The following SPON1 variants were observed in gnomAD, a reference collection of about 807,000 sequenced individuals.
SPON1 encodes spondin-1.
Under a neutral mutation model 111.7 loss-of-function variants are expected in SPON1, and 52 were observed. The ratio of observed to expected loss-of-function variants is 0.47; its 90% CI spans 0.37 to 0.59. The LOEUF is 0.59. SPON1 is among the 20% of genes least tolerant of loss of function. The pLI is 0.00. For synonymous variants in SPON1, 410 were observed against 395.8 expected (o/e 1.04, Z -0.43); for missense variants, 957 against 1,068.5 (o/e 0.90, Z 1.46).
At chr11:14,029,506 G>A (rs1288622110) in intron 2 of SPON1, among the ~76,000 whole-genome samples, 2 of 152,102 alleles carry the variant, frequency 1.3e-5, no homozygotes, top group African/African-American at 2.4e-5. Context: ...AATTTATTGG[G>A]TGAAAAGGAA....
chr11:14,261,740 T>C (rs985069399), intron 14 of SPON1, among the ~76,000 whole-genome samples: 1 of 152,138 alleles, frequency 6.6e-6, no homozygotes, highest in Admixed American at 6.5e-5. Context: ...CCCCATAGCC[T>C]TCTGACTTAG....
At chr11:14,091,251 C>T (rs1441663522) in intron 5 of SPON1, among the ~76,000 whole-genome samples, 1 of 152,250 alleles carries the variant, frequency 6.6e-6, no homozygotes, top group Non-Finnish European at 1.5e-5. Context: ...GACTCAGGAG[C>T]CCAGCTGACT....
chr11:14,120,606 A>G (rs1262332342), intron 5 of SPON1, among the ~76,000 whole-genome samples: 1 of 152,152 alleles, frequency 6.6e-6, no homozygotes, highest in Non-Finnish European at 1.5e-5. Context: ...AATGCTGACT[A>G]TGACCTGAAC....
At chr11:13,966,868 G>A (rs1564875036) in intron 1 of SPON1, among the ~76,000 whole-genome samples, 1 of 152,278 alleles carries the variant, frequency 6.6e-6, no homozygotes, top group East Asian at 1.9e-4. Context: ...TTTTTTCCCA[G>A]CATTCCTGTG....
intron 1 of SPON1, among the ~76,000 whole-genome samples, chr11:13,980,932 C>A (rs1392585216): frequency 2.6e-5 from 4 of 152,116 alleles, no homozygotes; most frequent in African/African-American, 9.7e-5. Context: ...ACTTTCCTAT[C>A]CGTGAAATTG....
chr11:14,187,624 T>C (rs571711312), intron 6 of SPON1, among the ~76,000 whole-genome samples: 2 of 152,266 alleles, frequency 1.3e-5, no homozygotes, highest in East Asian at 3.9e-4. Flanking sequence ...TTTGTTGTTG[T>C]TGTTTTTTGA....
intron 5 of SPON1, among the ~76,000 whole-genome samples, chr11:14,134,575 G>T (rs937121634): frequency 1.3e-5 from 2 of 152,066 alleles, no homozygotes; most frequent in Admixed American, 1.3e-4. Context: ...TAGCTAACCT[G>T]CCTGCCCCTT....
At chr11:14,004,216 C>T (rs1848342018) in intron 2 of SPON1, among the ~76,000 whole-genome samples, 1 of 152,056 alleles carries the variant, frequency 6.6e-6, no homozygotes, top group Non-Finnish European at 1.5e-5. Flanking sequence ...TTGTACATTT[C>T]CTACATTTTC....
rs1472010482 is a variant in SPON1, at chr11:14,228,473, G to A, written c.826-14859G>A. On this transcript the variant is annotated intron_variant, in intron 6 of 15. Transcript: ENST00000576479. The surrounding 1 kb of genome is among the most constrained non-coding windows in gnomAD (Gnocchi z 4.2). ...AGCAGGATGTGCAGAGGGAGAAGTT[G>A]AGCTGTGTCGCAGGCCCAACAAAGA... Among the ~76,000 whole-genome samples, 29 of 152,192 alleles carry A rather than the reference G, an allele frequency of 1.9e-4. No individual in the cohort carries two copies. Among genetic ancestry groups the A allele is most frequent in the African/African-American group, 7.0e-4 (29 of 41,454 alleles).
At chr11:14,194,722 G>A (rs1848382863) in intron 6 of SPON1, among the ~76,000 whole-genome samples, 1 of 152,160 alleles carries the variant, frequency 6.6e-6, no homozygotes, top group African/African-American at 2.4e-5. Context: ...GAATAAATTA[G>A]TTGTTATCAA....
chr11:14,130,991 C>A (rs981754781), intron 5 of SPON1, among the ~76,000 whole-genome samples: 7 of 152,108 alleles, frequency 4.6e-5, no homozygotes, highest in African/African-American at 1.2e-4. Flanking sequence ...CAACACAGAG[C>A]CAAACCATAT....
At chr11:14,171,183 G>T (rs1354460914) in intron 6 of SPON1, among the ~76,000 whole-genome samples, 1 of 152,144 alleles carries the variant, frequency 6.6e-6, no homozygotes, top group East Asian at 1.9e-4. Context: ...CCTGTTATTG[G>T]TCTATTCAGG....
intron 2 of SPON1, among the ~76,000 whole-genome samples, chr11:14,009,097 A>C (rs1848385474): frequency 6.6e-6 from 1 of 152,200 alleles, no homozygotes; most frequent in Non-Finnish European, 1.5e-5. Context: ...TGTGAGCTCC[A>C]TGAGGTCAGG....
chr11:14,233,159 A>G (rs989137041), intron 6 of SPON1, among the ~76,000 whole-genome samples: 2 of 152,142 alleles, frequency 1.3e-5, no homozygotes, highest in Admixed American at 6.5e-5. Context: ...CTCCGGCCTC[A>G]TATATCTACC....
intron 1 of SPON1, among the ~76,000 whole-genome samples, chr11:13,981,110 T>G (rs1848140570): frequency 6.6e-6 from 1 of 152,232 alleles, no homozygotes; most frequent in Non-Finnish European, 1.5e-5. Flanking sequence ...GATGCCAGGC[T>G]CTGTGCTAGG....
At chr11:14,156,697 T>C (rs1847850451) in intron 6 of SPON1, among the ~76,000 whole-genome samples, 1 of 152,138 alleles carries the variant, frequency 6.6e-6, no homozygotes, top group Non-Finnish European at 1.5e-5. Flanking sequence ...GGATCCAGTT[T>C]CAGCTTTCTA....
intron 3 of SPON1, among the ~76,000 whole-genome samples, chr11:14,065,670 T>TGCCC (rs1848827108): frequency 6.6e-6 from 1 of 152,378 alleles, no homozygotes; most frequent in East Asian, 1.9e-4. Context: ...ATGACATTCA[T>TGCCC]GCCCTTCTGC....
intron 3 of SPON1, among the ~76,000 whole-genome samples, chr11:14,071,397 A>G (rs1290255055): frequency 7.9e-5 from 12 of 152,076 alleles, no homozygotes; most frequent in African/African-American, 2.9e-4. Flanking sequence ...CCTGGGTGAC[A>G]TCAGCCACTC....
chr11:13,963,912 C>G (rs1847995185), intron 1 of SPON1, among the ~76,000 whole-genome samples: 1 of 152,222 alleles, frequency 6.6e-6, no homozygotes, highest in African/African-American at 2.4e-5. Context: ...TGCCCGAGGC[C>G]TGCTCCCTGG....
Sources: allele counts gnomAD v4.1 joint callset (sites outside exome capture counted in the v4.1 genomes callset), GRCh38; gene constraint gnomAD v4.1.1; non-coding constraint Gnocchi (gnomAD v3.1); transcripts MANE v1.5; gene names NCBI Gene and HGNC (gene_info 2026-07-23, HGNC 2026-07-21).